Variants in PARP6 observed in about 807,000 individuals in gnomAD.
PARP6 encodes poly(ADP-ribose) polymerase family member 6, also known as protein mono-ADP-ribosyltransferase PARP6.
A neutral mutation model predicts 92.0 loss-of-function variants in PARP6; 27 were observed. That is an observed-to-expected ratio of 0.29 (90% CI 0.22 to 0.40). The LOEUF is 0.40. Ranked by LOEUF, PARP6 falls within the 10% of genes least tolerant of loss-of-function variation. The probability of loss-of-function intolerance (pLI) is 1.00; values close to 1 mark genes in which losing one functional copy is unlikely to be tolerated. For missense variants in PARP6, 501 were observed against 784.5 expected, an observed-to-expected ratio of 0.64 and a Z score of 4.32; for synonymous variants, 272 against 281.2, an observed-to-expected ratio of 0.97 and a Z score of 0.33.
At chr15:72,267,782 G>A (rs182162360) in intron 2 of PARP6, 111 bp from the exon 3 acceptor site, 40 of 271,704 alleles carry the variant, frequency 1.5e-4, no homozygotes, top group Admixed American at 7.2e-4. Context: ...ACAGAGTTTC[G>A]CTCTTGTCGC....
chr15:72,267,099 G>C (rs1165599175), intron 3 of PARP6: 6 of 511,340 alleles, frequency 1.2e-5, no homozygotes, highest in Non-Finnish European at 2.1e-5. Flanking sequence ...GAGAGGCTCT[G>C]GTAGCCAGTA....
chr15:72,267,208 T>A, intron 3 of PARP6: 1 of 564,530 alleles, frequency 1.8e-6, no homozygotes, highest in East Asian at 2.9e-5. Flanking sequence ...CCTAAGACAG[T>A]TCCCAAGCAC....
chr15:72,261,336 A>G (rs1367636952), intron 9 of PARP6, among the ~76,000 whole-genome samples: 1 of 152,244 alleles, frequency 6.6e-6, no homozygotes, highest in East Asian at 1.9e-4. Flanking sequence ...AATACATATC[A>G]CGAGCTAGGT....
At chr15:72,270,936 A>T (rs1373094512) in intron 2 of PARP6, 87 bp downstream of exon 2, 1 of 152,244 alleles carries the variant, frequency 6.6e-6, no homozygotes, top group Non-Finnish European at 1.5e-5. Context: ...TACTTAAGTC[A>T]AATGGGAGAT....
In PARP6 at chr15:72,241,441, G is replaced by C; in HGVS notation, c.*14C>G. ...TCCTGGGGTAACAGGGGTGGTACGAGGGCTGGGGCCCCCTCAGTTTGTGTA... is the reference window on the plus strand; with the variant it reads ...TCCTGGGGTAACAGGGGTGGTACGACGGCTGGGGCCCCCTCAGTTTGTGTA... On this transcript the variant is annotated 3_prime_UTR_variant, in exon 24 of 24. Transcript: ENST00000569795. This position sits in a 1 kb window ranked among gnomAD's most constrained non-coding sequence, Gnocchi z 4.1. 1 of 1,602,264 alleles carries C rather than the reference G, an allele frequency of 6.2e-7. No homozygotes were observed. Among genetic ancestry groups the C allele is most frequent in the African/African-American group, 1.3e-5 (1 of 74,818 alleles).
At chr15:72,271,647 G>A (rs796335896) in intron 1 of PARP6, among the ~76,000 whole-genome samples, 17 of 152,316 alleles carry the variant, frequency 1.1e-4, no homozygotes, top group African/African-American at 4.1e-4. Context: ...CATTGGACAG[G>A]TCCTAATTAC....
At chr15:72,260,322 A>C (rs750492955) in intron 10 of PARP6, among the ~76,000 whole-genome samples, 156 bp downstream of exon 10, 5 of 152,172 alleles carry the variant, frequency 3.3e-5, no homozygotes, top group Non-Finnish European at 5.9e-5. Context: ...CTCAAAAAAA[A>C]AGAAGTGTTC....
In PARP6 at chr15:72,272,532, C is replaced by G. The variant is rs1204617024; in HGVS notation, c.-599G>C. On this transcript the variant is annotated 5_prime_UTR_variant, in exon 1 of 24. Transcript: ENST00000569795. ...ACCCCGGGCCGCGCGCGGCCGCAGC[C>G]GACGGGACGAGCGGCCCGGGACGCC... is the stretch of plus-strand genomic sequence containing the variant. 3.3e-5 allele frequency: 5 copies of G among 150,990 alleles called. No individual in the cohort carries two copies. The East Asian group carries it at 9.7e-4, about 29-fold the overall frequency. The allele number at this position is 150,990 out of a possible 1,614,324, so 9.4% of individuals were successfully genotyped here. A position where few individuals can be genotyped will look rare whatever the true frequency, so the allele number is the denominator to read the frequency against.
intron 7 of PARP6, 111 bp from the exon 8 acceptor site, chr15:72,264,732 T>G (rs995199627): frequency 2.5e-6 from 2 of 803,448 alleles, no homozygotes; most frequent in African/African-American, 3.5e-5. Flanking sequence ...TGCTGGGTAC[T>G]CTAAACAGTA....
chr15:72,250,231 G>T, intron 18 of PARP6, 139 bp from the exon 19 acceptor site: 1 of 658,886 alleles, frequency 1.5e-6, no homozygotes, highest in South Asian at 1.7e-5. Flanking sequence ...CATGCACATG[G>T]ATACAGTCAC....
chr15:72,268,357 T>C (rs1174167900), intron 2 of PARP6, among the ~76,000 whole-genome samples: 1 of 152,248 alleles, frequency 6.6e-6, no homozygotes, highest in African/African-American at 2.4e-5. Context: ...AATCGGATTA[T>C]TTCTGGACTC....
intron 20 of PARP6, among the ~76,000 whole-genome samples, chr15:72,246,097 G>C (rs1023893898): frequency 6.6e-6 from 1 of 152,200 alleles, no homozygotes; most frequent in Admixed American, 6.5e-5. Flanking sequence ...AATATGTGTT[G>C]GTCACTTGCC....
chr15:72,243,571 C>A (rs2083293404), intron 20 of PARP6: 1 of 152,200 alleles, frequency 6.6e-6, no homozygotes, highest in African/African-American at 2.4e-5. Flanking sequence ...AAACTCTCTA[C>A]CTTCCTTACC....
In PARP6 at chr15:72,242,538, C is replaced by T. The variant is rs2083172594; in HGVS notation, c.1641+82G>A. ...CTCAAATCACTCCCCAACCCATTCT[C>T]ACCCCACTGTTTCCCTGTCCAGCTC... On this transcript the variant is annotated intron_variant, in intron 21 of 23. Transcript: ENST00000569795. This position sits in a 1 kb window ranked among gnomAD's most constrained non-coding sequence, Gnocchi z 4.3. 4 of 952,148 alleles carry T rather than the reference C, an allele frequency of 4.2e-6. No homozygotes were observed. Among genetic ancestry groups the T allele is most frequent in the Admixed American group, 1.7e-5 (1 of 58,580 alleles). The allele number at this position is 952,148 out of a possible 1,614,324, so 59.0% of individuals were successfully genotyped here.
At chr15:72,250,177 A>G (rs2084162705) in intron 18 of PARP6, 85 bp from the exon 19 acceptor site, 2 of 831,438 alleles carry the variant, frequency 2.4e-6, no homozygotes, top group Non-Finnish European at 4.2e-6. Context: ...ACCCATTCTC[A>G]CCCACACAGG....
At chr15:72,257,542 G>C in intron 12 of PARP6, 102 bp from the exon 13 acceptor site, 1 of 844,566 alleles carries the variant, frequency 1.2e-6, no homozygotes, top group South Asian at 1.5e-5. Flanking sequence ...AACAGGGTAG[G>C]AATTTGAGGC....
At chr15:72,266,624 C>G (rs2086628947) in intron 4 of PARP6, 121 bp downstream of exon 4, 1 of 745,548 alleles carries the variant, frequency 1.3e-6, no homozygotes, top group African/African-American at 1.7e-5. Flanking sequence ...ATGCTCAGAC[C>G]ACATCAACAT....
At chr15:72,250,508 CCTCT>C (rs2084203990) in intron 18 of PARP6, 2 of 328,016 alleles carry the variant, frequency 6.1e-6, no homozygotes, top group South Asian at 8.0e-5. Flanking sequence ...CTCTTTAATA[CCTCT>C]CTTTCTCTTT....
At chr15:72,244,934 A>G in intron 20 of PARP6, 1 of 155,558 alleles carries the variant, frequency 6.4e-6, no homozygotes, top group Non-Finnish European at 1.4e-5. Flanking sequence ...TCATGGTGGA[A>G]GGCAAGGAGG....
Sources: allele counts gnomAD v4.1 joint callset (sites outside exome capture counted in the v4.1 genomes callset), GRCh38; gene constraint gnomAD v4.1.1; non-coding constraint Gnocchi (gnomAD v3.1); transcripts MANE v1.5; gene names NCBI Gene and HGNC (gene_info 2026-07-23, HGNC 2026-07-21).